Variants in DGKB observed in about 807,000 individuals in gnomAD.
The protein encoded by DGKB is 90 kDa diacylglycerol kinase.
In DGKB, 67 loss-of-function variants were observed where a neutral mutation model predicts 114.3. The ratio of observed to expected loss-of-function variants is 0.59; its 90% CI spans 0.48 to 0.72. DGKB has a LOEUF of 0.72. Ranked by LOEUF, DGKB falls within the 30% of genes least tolerant of loss-of-function variation. The pLI, the probability that DGKB is intolerant of heterozygous loss-of-function variation, is 0.00. For missense variants in DGKB, 907 were observed against 975.2 expected (o/e 0.93, Z 0.93); for synonymous variants, 398 against 323.1 (o/e 1.23, Z -2.49).
At chr7:14,439,360 G>A (rs765186504) in intron 21 of DGKB, among the ~76,000 whole-genome samples, 6 of 152,028 alleles carry the variant, frequency 3.9e-5, no homozygotes, top group Non-Finnish European at 8.8e-5. Context: ...GTCTTTGCTT[G>A]AATAACGATG....
chr7:14,869,729 C>A (rs1239831336), intron 1 of DGKB, among the ~76,000 whole-genome samples: 1 of 151,970 alleles, frequency 6.6e-6, no homozygotes, highest in African/African-American at 2.4e-5. Flanking sequence ...ACTTAAGTTA[C>A]TAATGTTTTT....
intron 20 of DGKB, among the ~76,000 whole-genome samples, chr7:14,484,963 A>G (rs956867295): frequency 8.3e-6 from 1 of 120,948 alleles, no homozygotes; most frequent in Admixed American, 9.5e-5. Flanking sequence ...AGTGGAATTG[A>G]CAACATTAAA....
intron 13 of DGKB, among the ~76,000 whole-genome samples, chr7:14,662,042 C>G (rs934382133): frequency 7.2e-5 from 11 of 151,896 alleles, no homozygotes; most frequent in Non-Finnish European, 1.5e-4. Context: ...ACATCACACT[C>G]TGGGGCCCGT....
intron 13 of DGKB, among the ~76,000 whole-genome samples, chr7:14,672,221 C>T (rs943657807): frequency 1.3e-5 from 2 of 151,578 alleles, no homozygotes; most frequent in African/African-American, 4.8e-5. Flanking sequence ...ATTTAATTTC[C>T]ATGTTGTTTT....
At chr7:14,701,656 C>G in intron 7 of DGKB, 25 bp downstream of exon 7, 1 of 1,569,302 alleles carries the variant, frequency 6.4e-7, no homozygotes, top group Non-Finnish European at 8.8e-7. Flanking sequence ...GAAGTTTTCA[C>G]AGAAACTTTG....
chr7:14,843,241 TATACATATACCAAGAC>T (rs1400260590), intron 1 of DGKB, among the ~76,000 whole-genome samples: 1 of 150,004 alleles, frequency 6.7e-6, no homozygotes, highest in Non-Finnish European at 1.5e-5. Context: ...GGATTAAATG[TATACATATACCAAGAC>T]ATCACACTGC....
intron 6 of DGKB, among the ~76,000 whole-genome samples, chr7:14,714,772 G>A (rs189295578): frequency 2.6e-5 from 4 of 152,230 alleles, no homozygotes; most frequent in African/African-American, 9.6e-5. Context: ...GTATAGTATA[G>A]GAGCAAATAA....
chr7:14,479,967 C>T (rs929314647), intron 20 of DGKB, among the ~76,000 whole-genome samples: 1 of 151,962 alleles, frequency 6.6e-6, no homozygotes, highest in Non-Finnish European at 1.5e-5. Context: ...GGGAGAGTAT[C>T]ATTGAATTTA....
intron 13 of DGKB, among the ~76,000 whole-genome samples, chr7:14,665,042 A>G (rs1037270840): frequency 2.0e-5 from 3 of 152,092 alleles, no homozygotes; most frequent in African/African-American, 7.2e-5. Flanking sequence ...CAATTCATAT[A>G]AAACAATGGT....
rs115202678 is a variant in DGKB at position 14,593,575 on chromosome 7, T to G, written c.1434-10438A>C. On this transcript the variant is annotated intron_variant, in intron 17 of 25. Transcript: ENST00000402815. Reference sequence around the variant, plus strand: ...TTTATTAGTATAAGTAAAACACTTTTGTAAATATATTTGTTAAAATATAAA... The same window carrying G: ...TTTATTAGTATAAGTAAAACACTTTGGTAAATATATTTGTTAAAATATAAA... Among the ~76,000 whole-genome samples the G allele has an allele frequency of 4.1e-3, 620 of 152,036 alleles. 3 individuals carry two copies. The highest frequency in any genetic ancestry group is 0.014 in the African/African-American group (588 of 41,536).
intron 23 of DGKB, among the ~76,000 whole-genome samples, chr7:14,256,626 G>T (rs1007790864): frequency 6.6e-6 from 1 of 152,104 alleles, no homozygotes; most frequent in Non-Finnish European, 1.5e-5. Context: ...ATAGTTAATG[G>T]AATATAGCCA....
chr7:14,945,567 G>T (rs1313794893), intron 1 of DGKB, among the ~76,000 whole-genome samples: 2 of 151,690 alleles, frequency 1.3e-5, no homozygotes, highest in African/African-American at 4.8e-5. Context: ...AGCAACTGTA[G>T]TAATTGTTCT....
chr7:14,808,614 A>G (rs1321407796), intron 2 of DGKB, among the ~76,000 whole-genome samples: 1 of 152,134 alleles, frequency 6.6e-6, no homozygotes. Context: ...TAATTGGGTA[A>G]AAAATGAATG....
chr7:14,227,411 C>A (rs1207991884), intron 23 of DGKB, among the ~76,000 whole-genome samples: 1 of 151,984 alleles, frequency 6.6e-6, no homozygotes, highest in African/African-American at 2.4e-5. Context: ...CCAGATAAAT[C>A]TATGAGAAAC....
intron 2 of DGKB, among the ~76,000 whole-genome samples, chr7:14,788,990 G>A (rs2128502761): frequency 6.6e-6 from 1 of 152,196 alleles, no homozygotes; most frequent in East Asian, 1.9e-4. Flanking sequence ...GCGTGCCGAA[G>A]GAAAACAGTG....
chr7:14,614,814 G>A (rs1403898631), intron 15 of DGKB, among the ~76,000 whole-genome samples: 1 of 152,046 alleles, frequency 6.6e-6, no homozygotes, highest in African/African-American at 2.4e-5. Context: ...ATTGCAAAGA[G>A]GACAAAGTTT....
intron 14 of DGKB, among the ~76,000 whole-genome samples, chr7:14,626,520 G>C (rs921475128): frequency 2.6e-5 from 4 of 152,160 alleles, no homozygotes; most frequent in Non-Finnish European, 5.9e-5. Context: ...CAGCAGTTAA[G>C]ATCTCTCTGA....
At chr7:14,510,218 A>T (rs1787784854) in intron 20 of DGKB, among the ~76,000 whole-genome samples, 1 of 152,106 alleles carries the variant, frequency 6.6e-6, no homozygotes, top group Admixed American at 6.5e-5. Flanking sequence ...TTCAAAAATG[A>T]TTTCTCTGCA....
intron 2 of DGKB, among the ~76,000 whole-genome samples, chr7:14,810,324 T>C (rs957161935): frequency 2.0e-5 from 3 of 152,136 alleles, no homozygotes; most frequent in East Asian, 3.9e-4. Flanking sequence ...CCCAGACTGA[T>C]TGGATCTTGG....
Sources: allele counts gnomAD v4.1 joint callset (sites outside exome capture counted in the v4.1 genomes callset), GRCh38; gene constraint gnomAD v4.1.1; transcripts MANE v1.5; gene names NCBI Gene and HGNC (gene_info 2026-07-23, HGNC 2026-07-21).